Variants in UBXN2A observed in about 807,000 individuals in gnomAD.
The protein encoded by UBXN2A is UBX domain protein 2A.
In UBXN2A, 28 loss-of-function variants were observed where a neutral mutation model predicts 28.4. That is an observed-to-expected ratio of 0.99 (90% confidence interval 0.73 to 1.35). The LOEUF (loss-of-function observed/expected upper bound fraction) is 1.35, where lower values mean the gene tolerates loss of function less well. Among genes scored for constraint, UBXN2A ranks in the 40% most tolerant of loss-of-function variants. The pLI is 0.00. For synonymous variants in UBXN2A, 97 were observed against 103.6 expected (o/e 0.94, Z 0.39); for missense variants, 253 against 297.9 (o/e 0.85, Z 1.11).
intron 1 of UBXN2A, among the ~76,000 whole-genome samples, chr2:23,948,021 A>G (rs1021915560): frequency 2.0e-5 from 3 of 151,362 alleles, no homozygotes; most frequent in Admixed American, 2.0e-4. Context: ...TGCACGGCTA[A>G]TTTTTGTGTT....
At chr2:23,963,244 C>G (rs914501637) in intron 2 of UBXN2A, among the ~76,000 whole-genome samples, 3 of 152,028 alleles carry the variant, frequency 2.0e-5, no homozygotes, top group Non-Finnish European at 4.4e-5. Context: ...ACGCCGGGCG[C>G]AGTGGCTCAC....
At chr2:23,972,659 TA>T (rs796494006) in intron 3 of UBXN2A, among the ~76,000 whole-genome samples, 11 of 151,884 alleles carry the variant, frequency 7.2e-5, no homozygotes, top group African/African-American at 2.7e-4. Flanking sequence ...CTGTCTCTAC[TA>T]AAAATACAAA....
At chr2:23,993,071 A>G (rs543222746) in intron 6 of UBXN2A, among the ~76,000 whole-genome samples, 150 of 152,328 alleles carry the variant, frequency 9.8e-4, no homozygotes, top group Non-Finnish European at 1.6e-3. Flanking sequence ...TGTCAAAACC[A>G]TTCTAGACAG....
At position 23,991,406 on chromosome 2, in the gene UBXN2A, T is replaced by TACAC. The variant is rs371442810; in HGVS notation, c.584+6597_584+6600dup. On this transcript the variant is annotated intron_variant, in intron 6 of 6. Coordinates refer to ENST00000309033, the MANE Select transcript of UBXN2A (RefSeq NM_181713.4). ...GCATGTGATTTTATATTTTATTTTA[T>TACAC]ACACACACACACACACACACACACA... Among the ~76,000 whole-genome samples, 359 of 148,520 alleles carry TACAC rather than the reference T, an allele frequency of 2.4e-3. 3 individuals carry two copies. The highest frequency in any genetic ancestry group is 5.1e-3 in the African/African-American group (209 of 40,624).
chr2:23,942,293 A>G (rs1390150192), intron 1 of UBXN2A, among the ~76,000 whole-genome samples: 3 of 152,164 alleles, frequency 2.0e-5, no homozygotes, highest in African/African-American at 4.8e-5. Context: ...AGAAAGGCTC[A>G]GGCAAAGGAA....
rs190129773 is a variant in UBXN2A at position 23,984,513 on chromosome 2, C to T, written c.426-160C>T. On this transcript the variant is annotated intron_variant, in intron 5 of 6. Coordinates refer to ENST00000309033, the MANE Select transcript of UBXN2A (RefSeq NM_181713.4). The stretch of plus-strand genomic sequence containing the variant: ...TCTTAGAACCATCATATATTGTGGA[C>T]ATAAATAATATATCTTTCTGTTATT... 2.0e-5 allele frequency among the ~76,000 whole-genome samples: 3 copies of T among 152,052 alleles called. No homozygotes were observed. The South Asian group carries it at 6.2e-4, about 31-fold the overall frequency.
chr2:23,945,900 A>G (rs1462237039), intron 1 of UBXN2A, among the ~76,000 whole-genome samples: 1 of 148,424 alleles, frequency 6.7e-6, no homozygotes, highest in African/African-American at 2.5e-5. Context: ...GCATGATCTC[A>G]GCTCACTGCA....
chr2:23,983,924 C>T (rs1338259762), intron 5 of UBXN2A, among the ~76,000 whole-genome samples: 1 of 152,214 alleles, frequency 6.6e-6, no homozygotes, highest in African/African-American at 2.4e-5. Context: ...GATCCACCCA[C>T]CTCGGCCTCC....
At chr2:23,947,198 C>T (rs1023694550) in intron 1 of UBXN2A, among the ~76,000 whole-genome samples, 2 of 152,178 alleles carry the variant, frequency 1.3e-5, no homozygotes, top group Non-Finnish European at 2.9e-5. Context: ...CTAACGTAAG[C>T]ATTTTAAAAT....
intron 1 of UBXN2A, chr2:23,944,357 T>A: frequency 6.5e-7 from 1 of 1,533,874 alleles, no homozygotes; most frequent in Non-Finnish European, 9.0e-7. Context: ...TGTGAAGAAC[T>A]GAGGTGACCA....
intron 1 of UBXN2A, among the ~76,000 whole-genome samples, chr2:23,955,727 A>T (rs1325501318): frequency 6.6e-6 from 1 of 152,232 alleles, no homozygotes; most frequent in Admixed American, 6.5e-5. Context: ...TTGCGTATCC[A>T]AACATATCTC....
chr2:23,971,037 A>G (rs1707391588), intron 2 of UBXN2A, among the ~76,000 whole-genome samples: 1 of 152,184 alleles, frequency 6.6e-6, no homozygotes, highest in Non-Finnish European at 1.5e-5. Context: ...AGTGCACAGG[A>G]CACCTCATAC....
At chr2:23,956,561 C>A (rs993943885) in intron 1 of UBXN2A, among the ~76,000 whole-genome samples, 4 of 152,002 alleles carry the variant, frequency 2.6e-5, no homozygotes, top group Admixed American at 6.6e-5. Flanking sequence ...CCATGTTGGC[C>A]AGGCTGGTCT....
upstream of UBXN2A, among the ~76,000 whole-genome samples, chr2:23,936,556 A>AG (rs1392936368): frequency 1.3e-5 from 2 of 150,602 alleles, no homozygotes; most frequent in Non-Finnish European, 3.0e-5. Flanking sequence ...AAAAAAAAAA[A>AG]GAGAGAAAGA....
chr2:23,992,837 G>A (rs970653803), intron 6 of UBXN2A, among the ~76,000 whole-genome samples: 4 of 152,038 alleles, frequency 2.6e-5, no homozygotes, highest in South Asian at 4.1e-4. Context: ...TAATTTCAAC[G>A]TATCTGTATA....
At chr2:23,993,130 G>A (rs1490706702) in intron 6 of UBXN2A, among the ~76,000 whole-genome samples, 2 of 152,206 alleles carry the variant, frequency 1.3e-5, no homozygotes, top group Non-Finnish European at 2.9e-5. Context: ...GCACAAGTTT[G>A]AAATTGTGTC....
At chr2:23,979,837 C>T (rs1271610582) in intron 4 of UBXN2A, among the ~76,000 whole-genome samples, 1 of 151,926 alleles carries the variant, frequency 6.6e-6, no homozygotes, top group Non-Finnish European at 1.5e-5. Context: ...TGCCAAATTG[C>T]AGGGATTACC....
intron 4 of UBXN2A, among the ~76,000 whole-genome samples, chr2:23,978,194 A>G (rs1707751952): frequency 6.6e-6 from 1 of 152,094 alleles, no homozygotes; most frequent in South Asian, 2.1e-4. Context: ...TACTTAAACT[A>G]ATTTACTTTA....
At chr2:23,960,510 A>G (rs1255709760) in intron 2 of UBXN2A, among the ~76,000 whole-genome samples, 1 of 152,196 alleles carries the variant, frequency 6.6e-6, no homozygotes, top group Non-Finnish European at 1.5e-5. Context: ...TTTTTAGTAC[A>G]TTCACAGATT....
Sources: gnomAD v4.1 joint callset for allele counts (sites outside exome capture counted in the v4.1 genomes callset) on GRCh38, gnomAD v4.1.1 for gene constraint, MANE v1.5 for transcripts, NCBI Gene and HGNC (gene_info 2026-07-23, HGNC 2026-07-21) for gene names.